RAB40C: variants seen among roughly 807,000 people sequenced by gnomAD.
The protein encoded by RAB40C is RAB40C, member RAS oncogene family.
RAB40C carries 8 observed loss-of-function variants against 28.1 expected under a neutral mutation model. That is an observed-to-expected ratio of 0.28 (90% confidence interval 0.17 to 0.51). The LOEUF (loss-of-function observed/expected upper bound fraction) is 0.51, where lower values mean the gene tolerates loss of function less well. Ranked by LOEUF, RAB40C falls within the 20% of genes least tolerant of loss-of-function variation. The pLI, the probability that RAB40C is intolerant of heterozygous loss-of-function variation, is 0.97. For synonymous variants in RAB40C, 201 were observed against 171.7 expected (o/e 1.17, Z -1.34); for missense variants, 288 against 405.9 (o/e 0.71, Z 2.50).
intron 1 of RAB40C, among the ~76,000 whole-genome samples, chr16:593,582 G>A (rs1255573746): frequency 6.6e-6 from 1 of 152,244 alleles, no homozygotes; most frequent in Non-Finnish European, 1.5e-5. Context: ...TGGAAGTCTT[G>A]TCTGGCATGT....
chr16:627,331 C>A lies in RAB40C; in HGVS notation c.566-11C>A. 6.2e-7 allele frequency: 1 copy of A among 1,609,006 alleles called. No homozygotes were observed. Among genetic ancestry groups the A allele is most frequent in the East Asian group, 2.2e-5 (1 of 44,842 alleles). On this transcript the variant is annotated splice_polypyrimidine_tract_variant and intron_variant, in intron 5 of 5. Coordinates refer to ENST00000248139, the MANE Select transcript of RAB40C (RefSeq NM_021168.5). ...ACAGCCCCATGGTCTGACACCCCCT[C>A]TGCCCCACAGTGTTCAGCCTGCAGG...
chr16:614,318 G>A (rs1384250901), intron 1 of RAB40C, among the ~76,000 whole-genome samples: 2 of 122,518 alleles, frequency 1.6e-5, no homozygotes, highest in Non-Finnish European at 3.6e-5. Context: ...GCCACATCCC[G>A]ATGGTGAACT....
intron 3 of RAB40C, chr16:625,092 T>TA: frequency 7.6e-7 from 1 of 1,309,564 alleles, no homozygotes; most frequent in Non-Finnish European, 1.0e-6. Context: ...AGAGGACACT[T>TA]AGCTTCCACA....
intron 1 of RAB40C, among the ~76,000 whole-genome samples, chr16:597,182 G>A (rs1257133975): frequency 6.6e-6 from 1 of 152,080 alleles, no homozygotes; most frequent in Non-Finnish European, 1.5e-5. Context: ...GGTGGGTGGT[G>A]GCAGGGGCAT....
At chr16:601,815 T>TAAAAAAAAAAAAAAAAAAAAAAAAAAAAA (rs60094426) in intron 1 of RAB40C, among the ~76,000 whole-genome samples, 3 of 27,200 alleles carry the variant, frequency 1.1e-4, no homozygotes, top group Admixed American at 5.2e-4. Context: ...CAAAAAAAAG[T>TAAAAAAAAAAAAAAAAAAAAAAAAAAAAA]AAAAAAAAAA....
rs552666802 is a variant in RAB40C, at chr16:621,939, G to A, written c.265-3493G>A. On this transcript the variant is annotated intron_variant, in intron 3 of 5. Transcript: ENST00000248139. ...GGTGGGCGGGTGGATGTGAGTGGGC[G>A]CGGCTTGGCAGTAGCTCCCATTTTA... Among the ~76,000 whole-genome samples, 98 of 152,294 alleles carry A rather than the reference G, an allele frequency of 6.4e-4. 6 individuals carry two copies. In the South Asian group the frequency reaches 0.012, roughly 18 times the overall value.
intron 1 of RAB40C, among the ~76,000 whole-genome samples, chr16:616,271 T>A (rs868580391): frequency 6.7e-5 from 10 of 149,294 alleles, no homozygotes; most frequent in East Asian, 2.0e-4. Context: ...AAAAAAAAAA[T>A]ACCAATGTGG....
At chr16:603,460 G>T (rs748000121) in intron 1 of RAB40C, among the ~76,000 whole-genome samples, 21 of 152,154 alleles carry the variant, frequency 1.4e-4, no homozygotes, top group Non-Finnish European at 3.1e-4. Flanking sequence ...GCACGTGAAT[G>T]ACTTAGAGCC....
At chr16:607,058 G>A (rs971236427) in intron 1 of RAB40C, among the ~76,000 whole-genome samples, 14 of 152,188 alleles carry the variant, frequency 9.2e-5, no homozygotes, top group African/African-American at 3.4e-4. Context: ...CTTCCGAGCC[G>A]AGGGTGCTAC....
At chr16:598,717 G>A (rs1038012462) in intron 1 of RAB40C, among the ~76,000 whole-genome samples, 3 of 152,100 alleles carry the variant, frequency 2.0e-5, no homozygotes, top group African/African-American at 7.2e-5. Context: ...TTCCAGCCTG[G>A]GTGACAGAGT....
At chr16:618,073 C>A in intron 2 of RAB40C, 127 bp from the exon 3 acceptor site, 2 of 808,106 alleles carry the variant, frequency 2.5e-6, no homozygotes, top group Admixed American at 2.6e-5. Context: ...TTAGCACAGC[C>A]TCATTGGCAC....
chr16:629,219 G>C lies in RAB40C; in HGVS notation c.*1597G>C, dbSNP rs1450119063. 1 of 255,378 alleles carries C rather than the reference G, an allele frequency of 3.9e-6. No individual in the cohort carries two copies. The highest frequency in any genetic ancestry group is 8.1e-6 in the Non-Finnish European group (1 of 123,720). The allele number at this position is 255,378 out of a possible 1,614,324, so 15.8% of individuals were successfully genotyped here. On this transcript the variant is annotated 3_prime_UTR_variant, in exon 6 of 6. Transcript: ENST00000248139. Reference sequence around the variant, plus strand: ...TGCTGTTAGACACTCCGCCATTCCTGGTTCTCTCCGAACCGTTCTTTGTAC... The same window carrying C: ...TGCTGTTAGACACTCCGCCATTCCTCGTTCTCTCCGAACCGTTCTTTGTAC...
chr16:624,939 C>T (rs1203550805), intron 3 of RAB40C: 3 of 1,288,492 alleles, frequency 2.3e-6, no homozygotes, highest in Non-Finnish European at 3.0e-6. Flanking sequence ...AAAACCTGCT[C>T]TGCCTGGCTG....
chr16:603,320 C>A (rs1401031973), intron 1 of RAB40C, among the ~76,000 whole-genome samples: 3 of 152,228 alleles, frequency 2.0e-5, no homozygotes, highest in African/African-American at 7.2e-5. Flanking sequence ...ACTTTTCCTT[C>A]CTTTACTGTC....
At chr16:598,112 G>A (rs2036171983) in intron 1 of RAB40C, among the ~76,000 whole-genome samples, 1 of 152,008 alleles carries the variant, frequency 6.6e-6, no homozygotes, top group Non-Finnish European at 1.5e-5. Context: ...AGGCATGGTG[G>A]CTCACGCTTG....
chr16:595,653 A>C (rs1057448442), intron 1 of RAB40C, among the ~76,000 whole-genome samples: 1 of 143,232 alleles, frequency 7.0e-6, no homozygotes, highest in Non-Finnish European at 1.5e-5. Flanking sequence ...CCCAGGCCGG[A>C]GTGCAGTGGC....
intron 1 of RAB40C, among the ~76,000 whole-genome samples, chr16:616,333 T>TTTTATTTA (rs57235517): frequency 0.28 from 40,122 of 141,360 alleles, 6,981 homozygotes; most frequent in African/African-American, 0.47. Context: ...AGAAGCAGCA[T>TTTTATTTA]TTTATTTATT....
At position 627,787 on chromosome 16, in the gene RAB40C, G is replaced by C. The variant is rs750725398; in HGVS notation, c.*165G>C. The C allele has an allele frequency of 1.2e-6, 1 of 852,006 alleles. No homozygotes were observed. The highest frequency in any genetic ancestry group is 2.7e-5 in the South Asian group (1 of 37,208). The allele number at this position is 852,006 out of a possible 1,614,324, so 52.8% of individuals were successfully genotyped here. A position where few individuals can be genotyped will look rare whatever the true frequency, so the allele number is the denominator to read the frequency against. The stretch of plus-strand genomic sequence containing the variant: ...GCCGGGTGCGAGGAGGAGCATGCAC[G>C]GACCAAGCGCGGCAGGCGGGAGGAG... On this transcript the variant is annotated 3_prime_UTR_variant, in exon 6 of 6. Transcript: ENST00000248139.
intron 1 of RAB40C, among the ~76,000 whole-genome samples, chr16:611,913 C>T (rs2036495059): frequency 2.7e-5 from 1 of 37,642 alleles, no homozygotes; most frequent in Non-Finnish European, 4.6e-5. Context: ...ACGGGACAGC[C>T]GCCCTGGCCT....
Sources: gnomAD v4.1 joint callset for allele counts (sites outside exome capture counted in the v4.1 genomes callset) on GRCh38, gnomAD v4.1.1 for gene constraint, MANE v1.5 for transcripts, NCBI Gene and HGNC (gene_info 2026-07-23, HGNC 2026-07-21) for gene names.